The following SLMAP variants were observed in gnomAD, a reference collection of about 807,000 sequenced individuals.
The protein encoded by SLMAP is sarcolemmal membrane-associated protein.
In SLMAP, 44 loss-of-function variants were observed where a neutral mutation model predicts 128.8. The observed-to-expected ratio is 0.34, with a 90% CI of 0.27 to 0.44. The LOEUF is 0.44. Ranked by LOEUF, SLMAP falls within the 20% of genes least tolerant of loss-of-function variation. The pLI, the probability that SLMAP is intolerant of heterozygous loss-of-function variation, is 1.00. For synonymous variants in SLMAP, 327 were observed against 348.8 expected (o/e 0.94, Z 0.70); for missense variants, 787 against 985.3 (o/e 0.80, Z 2.69).
At position 57,923,647 on chromosome 3, in the gene SLMAP, G is replaced by A. The variant is rs138666866; in HGVS notation, c.2445+624G>A. On this transcript the variant is annotated intron_variant, in intron 23 of 24. Coordinates refer to ENST00000671191, the MANE Select transcript of SLMAP (RefSeq NM_001377540.1). ...TGTTGTGTTGTACGTTTTGGTGATC[G>A]TTACCTTTGTGGGCCCTGATAGATG... is the stretch of plus-strand genomic sequence containing the variant. 2.6e-3 allele frequency among the ~76,000 whole-genome samples: 393 copies of A among 152,286 alleles called. 1 individual carries two copies. Among genetic ancestry groups the A allele is most frequent in the African/African-American group, 8.5e-3 (355 of 41,554 alleles).
At chr3:57,780,807 C>T (rs2082881772) in intron 2 of SLMAP, among the ~76,000 whole-genome samples, 1 of 151,536 alleles carries the variant, frequency 6.6e-6, no homozygotes, top group Non-Finnish European at 1.5e-5. Context: ...CCATGCTTGG[C>T]TAATTTTTAA....
At chr3:57,814,816 A>G (rs558189945) in intron 2 of SLMAP, among the ~76,000 whole-genome samples, 43 of 152,104 alleles carry the variant, frequency 2.8e-4, no homozygotes, top group Middle Eastern at 3.4e-3. Flanking sequence ...CTACAAAAAC[A>G]AAACAAAACA....
chr3:57,858,209 A>C (rs370014494), intron 8 of SLMAP, 50 bp downstream of exon 8: 8 of 999,572 alleles, frequency 8.0e-6, no homozygotes, highest in African/African-American at 8.0e-5. Flanking sequence ...TTTTTTATGT[A>C]ACATCATTTC....
intron 2 of SLMAP, among the ~76,000 whole-genome samples, chr3:57,823,133 A>G (rs1234789930): frequency 6.6e-6 from 1 of 152,098 alleles, no homozygotes; most frequent in Non-Finnish European, 1.5e-5. Context: ...AAAAATGGAC[A>G]GAAACCATCC....
At chr3:57,869,070 A>T (rs1334503760) in intron 13 of SLMAP, among the ~76,000 whole-genome samples, 1 of 141,516 alleles carries the variant, frequency 7.1e-6, no homozygotes, top group African/African-American at 2.6e-5. Context: ...TATAAAGGGG[A>T]GTTTATTAAG....
intron 2 of SLMAP, among the ~76,000 whole-genome samples, chr3:57,829,907 G>T (rs1212726665): frequency 1.3e-5 from 2 of 152,140 alleles, no homozygotes; most frequent in Non-Finnish European, 2.9e-5. Context: ...GAGGAAAAAT[G>T]GCCCTTTTAA....
At chr3:57,882,031 A>T (rs570663666) in intron 14 of SLMAP, among the ~76,000 whole-genome samples, 1 of 152,242 alleles carries the variant, frequency 6.6e-6, no homozygotes, top group African/African-American at 2.4e-5. Flanking sequence ...AAATAAATAA[A>T]TGCAGCTAAT....
At chr3:57,769,901 A>G (rs2080481114) in intron 2 of SLMAP, among the ~76,000 whole-genome samples, 1 of 152,226 alleles carries the variant, frequency 6.6e-6, no homozygotes, top group Admixed American at 6.5e-5. Context: ...GTAGTGCCAG[A>G]GTATTAATGT....
intron 23 of SLMAP, among the ~76,000 whole-genome samples, chr3:57,925,116 A>T (rs761234908): frequency 3.6e-4 from 54 of 151,706 alleles, no homozygotes; most frequent in Non-Finnish European, 6.9e-4. Flanking sequence ...CACCATGCTC[A>T]ACTAATTTTT....
intron 24 of SLMAP, among the ~76,000 whole-genome samples, chr3:57,926,947 A>G (rs1259973546): frequency 1.3e-5 from 2 of 152,228 alleles, no homozygotes; most frequent in African/African-American, 2.4e-5. Flanking sequence ...AGGTGTCTAT[A>G]TACATCAGTT....
chr3:57,860,142 A>G (rs2094978185), intron 8 of SLMAP, among the ~76,000 whole-genome samples: 1 of 152,268 alleles, frequency 6.6e-6, no homozygotes, highest in South Asian at 2.1e-4. Flanking sequence ...TCGGCCTCCC[A>G]AAGTGCCACG....
At position 57,772,836 on chromosome 3, in the gene SLMAP, C is replaced by T. The variant is rs557250547; in HGVS notation, c.198+14987C>T. On this transcript the variant is annotated intron_variant, in intron 2 of 24. Coordinates refer to ENST00000671191, the MANE Select transcript of SLMAP (RefSeq NM_001377540.1). ...TGTATTTTTAGTAGAGACAGGGTTT[C>T]TCCATGTTGGTCAGGCTGGTCTTGA... 1.1e-4 allele frequency among the ~76,000 whole-genome samples: 16 copies of T among 152,204 alleles called. No individual in the cohort carries two copies. In the South Asian group the frequency reaches 1.7e-3, roughly 16 times the overall value.
chr3:57,845,191 A>T (rs1028695415), intron 4 of SLMAP, among the ~76,000 whole-genome samples: 1 of 152,182 alleles, frequency 6.6e-6, no homozygotes, highest in South Asian at 2.1e-4. Flanking sequence ...ATTTTAAAAA[A>T]ATCTTTACTA....
At chr3:57,857,259 T>C (rs887832565) in intron 6 of SLMAP, among the ~76,000 whole-genome samples, 1 of 152,178 alleles carries the variant, frequency 6.6e-6, no homozygotes, top group Admixed American at 6.5e-5. Context: ...GTGGCCCATA[T>C]ACATGGAGTA....
intron 2 of SLMAP, among the ~76,000 whole-genome samples, chr3:57,794,570 T>C (rs2086272403): frequency 6.6e-6 from 1 of 152,164 alleles, no homozygotes; most frequent in Non-Finnish European, 1.5e-5. Flanking sequence ...AAAGTTTGTA[T>C]TCATTAGCAG....
chr3:57,856,429 A>T (rs1057413842), intron 6 of SLMAP, among the ~76,000 whole-genome samples: 1 of 152,138 alleles, frequency 6.6e-6, no homozygotes, highest in Non-Finnish European at 1.5e-5. Context: ...AAAATTTTTT[A>T]AACTTGCTTT....
At chr3:57,890,887 A>AT (rs1397353945) in intron 15 of SLMAP, 1 of 152,236 alleles carries the variant, frequency 6.6e-6, no homozygotes, top group Non-Finnish European at 1.5e-5. Context: ...ATTTTATTAA[A>AT]GTAACTGGAT....
At chr3:57,865,375 A>C in intron 13 of SLMAP, 83 bp downstream of exon 13, 2 of 533,948 alleles carry the variant, frequency 3.7e-6, no homozygotes, top group Middle Eastern at 5.1e-4. Flanking sequence ...CAGGGTTTTA[A>C]GTGTTTGGAA....
chr3:57,892,195 A>G (rs1459470424), intron 15 of SLMAP, among the ~76,000 whole-genome samples: 1 of 152,144 alleles, frequency 6.6e-6, no homozygotes, highest in Non-Finnish European at 1.5e-5. Context: ...CGAGCTATAA[A>G]GTGTTTTCTT....
Sources: gnomAD v4.1 joint callset for allele counts (sites outside exome capture counted in the v4.1 genomes callset) on GRCh38, gnomAD v4.1.1 for gene constraint, MANE v1.5 for transcripts, NCBI Gene and HGNC (gene_info 2026-07-23, HGNC 2026-07-21) for gene names.